SYNE2: variants seen among roughly 807,000 people sequenced by gnomAD.
The protein encoded by SYNE2 is spectrin repeat containing nuclear envelope protein 2.
In SYNE2, 431 loss-of-function variants were observed where a neutral mutation model predicts 856.3. The observed-to-expected ratio is 0.50, with a 90% confidence interval of 0.47 to 0.55. The LOEUF (loss-of-function observed/expected upper bound fraction) is 0.55, where lower values mean the gene tolerates loss of function less well. Ranked by LOEUF, SYNE2 falls within the 20% of genes least tolerant of loss-of-function variation. The pLI is 0.00. For missense variants in SYNE2, 8,129 were observed against 8,023.2 expected, an observed-to-expected ratio of 1.01 and a Z score of -0.50; for synonymous variants, 2,923 against 2,872.3, an observed-to-expected ratio of 1.02 and a Z score of -0.56.
intron 33 of SYNE2, 52 bp downstream of exon 33, chr14:64,016,683 G>A (rs759049439): frequency 1.6e-6 from 2 of 1,242,526 alleles, no homozygotes; most frequent in South Asian, 1.3e-5. Context: ...CAATATTTTG[G>A]TGTATCTTTA....
At chr14:64,151,511 CA>C (rs201140500) in intron 84 of SYNE2, among the ~76,000 whole-genome samples, 1,650 of 16,344 alleles carry the variant, frequency 0.1, 273 homozygotes, top group East Asian at 0.19. Flanking sequence ...AAGCAATTTT[CA>C]AAAAAAAAAA....
At chr14:64,104,297 G>A (rs1308602086) in intron 64 of SYNE2, among the ~76,000 whole-genome samples, 3 of 151,926 alleles carry the variant, frequency 2.0e-5, no homozygotes, top group African/African-American at 7.3e-5. Context: ...TTTAACTGCG[G>A]TGTTCCTTTA....
chr14:64,024,295 G>A lies in SYNE2; in HGVS notation c.5676G>A (p.Lys1892=). The A allele has an allele frequency of 5.6e-6, 9 of 1,614,074 alleles. No homozygotes were observed. Among genetic ancestry groups the A allele is most frequent in the Non-Finnish European group, 7.6e-6 (9 of 1,179,960 alleles). Residue 1892 remains lysine (K), a synonymous_variant, in exon 39 of 116, where the codon AAG becomes AAA. Coordinates refer to ENST00000555002, the MANE Select transcript of SYNE2 (RefSeq NM_182914.3). The part of the protein sequence containing the change: ...LTLEGRNSKI[K]QVDSVLKHVK... Reference sequence around the variant, plus strand: ...TTGAAGGAAGAAACAGTAAAATAAAGCAGGTGGACAGCGTACTGAAGCATG... The same window carrying A: ...TTGAAGGAAGAAACAGTAAAATAAAACAGGTGGACAGCGTACTGAAGCATG...
At chr14:63,963,081 G>C (rs903269468) in intron 9 of SYNE2, among the ~76,000 whole-genome samples, 3 of 152,120 alleles carry the variant, frequency 2.0e-5, no homozygotes, top group Admixed American at 6.6e-5. Flanking sequence ...CATTTTATTT[G>C]ACAAATTGGG....
At chr14:64,006,492 T>C (rs35361329) in intron 30 of SYNE2, among the ~76,000 whole-genome samples, 9 of 151,992 alleles carry the variant, frequency 5.9e-5, no homozygotes, top group African/African-American at 1.9e-4. Flanking sequence ...AATGCTAATG[T>C]TTTTGTATAT....
chr14:64,092,428 T>G (rs2097630263), intron 60 of SYNE2, among the ~76,000 whole-genome samples: 1 of 152,200 alleles, frequency 6.6e-6, no homozygotes, highest in Admixed American at 6.5e-5. Context: ...GTACCCTCGT[T>G]GTAGAAAATA....
Position 64,142,163 on chromosome 14 carries a change from G to A in SYNE2, c.15306+75G>A. 4 of 1,540,262 alleles carry A rather than the reference G, an allele frequency of 2.6e-6. No individual in the cohort carries two copies. In the East Asian group the frequency reaches 6.8e-5, roughly 26 times the overall value. ...ATCAGAGGGGTAATGCTGGACAAAG[G>A]GACACATAGGATATAATTTCAAAAA... is the stretch of plus-strand genomic sequence containing the variant. On this transcript the variant is annotated intron_variant, in intron 82 of 115. Transcript: ENST00000555002.
intron 62 of SYNE2, chr14:64,098,388 T>G (rs987769458): frequency 1.6e-6 from 1 of 608,086 alleles, no homozygotes; most frequent in African/African-American, 1.8e-5. Flanking sequence ...TTATAAAATT[T>G]CACAGGCAGG....
At chr14:63,952,143 T>C (rs1218916693) in intron 7 of SYNE2, among the ~76,000 whole-genome samples, 1 of 152,218 alleles carries the variant, frequency 6.6e-6, no homozygotes, top group African/African-American at 2.4e-5. Flanking sequence ...CACATCTAAA[T>C]GAGTGTAGGT....
chr14:64,044,980 A>C (rs2097175419), intron 45 of SYNE2, among the ~76,000 whole-genome samples: 1 of 152,190 alleles, frequency 6.6e-6, no homozygotes, highest in Non-Finnish European at 1.5e-5. Context: ...TTAAAATAAA[A>C]TGTTTAAAAT....
intron 2 of SYNE2, among the ~76,000 whole-genome samples, chr14:63,911,467 G>T (rs942269865): frequency 2.6e-5 from 4 of 152,124 alleles, no homozygotes; most frequent in Admixed American, 2.0e-4. Context: ...TGTAACTTAT[G>T]TAGCACTTTT....
At chr14:64,020,878 T>C (rs1358606345) in intron 35 of SYNE2, among the ~76,000 whole-genome samples, 1 of 152,234 alleles carries the variant, frequency 6.6e-6, no homozygotes, top group Non-Finnish European at 1.5e-5. Flanking sequence ...TTTATAATCT[T>C]GGACAAGTTA....
intron 32 of SYNE2, among the ~76,000 whole-genome samples, chr14:64,014,972 T>G (rs34624028): frequency 2.4e-5 from 2 of 83,952 alleles, no homozygotes; most frequent in Non-Finnish European, 4.6e-5. Context: ...TATATATATA[T>G]ATACACACAC....
intron 1 of SYNE2, among the ~76,000 whole-genome samples, chr14:63,861,206 A>G (rs1334266700): frequency 1.4e-5 from 2 of 147,704 alleles, no homozygotes; most frequent in African/African-American, 2.5e-5. Flanking sequence ...GTGCGGCGGC[A>G]CAATCTCAGC....
In SYNE2 at chr14:64,002,050, T is replaced by C. The variant is rs767383909; in HGVS notation, c.3755T>C (p.Ile1252Thr). The C allele has an allele frequency of 3.6e-5, 58 of 1,613,728 alleles. 2 individuals carry two copies. The South Asian group carries it at 4.7e-4, about 13-fold the overall frequency. Reference sequence around the variant, plus strand: ...ATGGCCATCCAGGGATTTCATCTCATTGATGCTGATCGCATCTATCAACAC... The same window carrying C: ...ATGGCCATCCAGGGATTTCATCTCACTGATGCTGATCGCATCTATCAACAC... ...HKMAIQGFHL[I>T]DADRIYQHLR... is the part of the protein sequence containing the mutation. Residue 1252 changes from isoleucine (I) to threonine (T), a missense_variant, in exon 29 of 116, where the codon ATT becomes ACT. Physicochemically the swap from Ile to Thr is moderately conservative, Grantham distance 89 (BLOSUM62 -1). Around this residue, in one of 3 missense-constraint regions of SYNE2, gnomAD observed 2,422 missense variants for 2,357.4 expected, o/e 1.03. Transcript: ENST00000555002.
Position 64,190,193 on chromosome 14 carries a change from A to G in SYNE2, c.17994A>G (p.Lys5998=), listed in dbSNP as rs112953605. Residue 5998 remains lysine, a synonymous_variant, in exon 99 of 116, where the codon AAA becomes AAG. Transcript: ENST00000555002. The part of the protein sequence containing the change: ...RAAEIDDKLN[K]INDRWQHLFD... ...CTGAGATCGATGACAAGCTCAACAAAATTAACGATCGTTGGCAACATCTTT... is the reference window on the plus strand; with the variant it reads ...CTGAGATCGATGACAAGCTCAACAAGATTAACGATCGTTGGCAACATCTTT... 1.2e-6 allele frequency: 2 copies of G among 1,614,138 alleles called. No homozygotes were observed. The highest frequency in any genetic ancestry group is 1.7e-6 in the Non-Finnish European group (2 of 1,180,028).
chr14:64,031,370 G>T lies in SYNE2; in HGVS notation c.7221+13G>T. 1 of 1,607,348 alleles carries T rather than the reference G, an allele frequency of 6.2e-7. No individual in the cohort carries two copies. Among genetic ancestry groups the T allele is most frequent in the South Asian group, 1.1e-5 (1 of 90,940 alleles). On this transcript the variant is annotated intron_variant, in intron 45 of 115. Transcript: ENST00000555002. ...GGAAATAAACAAGGTAAGTGCTTGT[G>T]ATTGCACTTTCAAGACAGTGAGTCT...
chr14:64,158,895 A>C, intron 86 of SYNE2, 100 bp downstream of exon 86: 1 of 1,272,358 alleles, frequency 7.9e-7, no homozygotes, highest in Non-Finnish European at 1.1e-6. Context: ...CCTCCCACAG[A>C]GAAGCACAAA....
chr14:64,136,724 A>G (rs2098093980), intron 78 of SYNE2, among the ~76,000 whole-genome samples: 1 of 152,136 alleles, frequency 6.6e-6, no homozygotes, highest in South Asian at 2.1e-4. Flanking sequence ...CTCTCTACTG[A>G]ATCTTTATAT....
Sources: allele counts gnomAD v4.1 joint callset (sites outside exome capture counted in the v4.1 genomes callset), GRCh38; gene constraint gnomAD v4.1.1; regional missense constraint gnomAD v4.1.1; transcripts MANE v1.5; gene names NCBI Gene and HGNC (gene_info 2026-07-23, HGNC 2026-07-21).